The following TMEM62 variants were observed in gnomAD, a reference collection of about 807,000 sequenced individuals.
The protein encoded by TMEM62 is transmembrane protein 62.
TMEM62 carries 41 observed loss-of-function variants against 70.4 expected under a neutral mutation model. The ratio of observed to expected loss-of-function variants is 0.58; its 90% confidence interval spans 0.45 to 0.76. The LOEUF (loss-of-function observed/expected upper bound fraction) is 0.76. Among genes scored for constraint, TMEM62 ranks in the 30% least tolerant of loss-of-function variants. The probability of loss-of-function intolerance (pLI) is 0.00; values close to 1 mark genes in which losing one functional copy is unlikely to be tolerated. For missense variants in TMEM62, 688 were observed against 788.5 expected (o/e 0.87, Z 1.53); for synonymous variants, 268 against 291.0 (o/e 0.92, Z 0.80).
chr15:43,138,368 T>C (rs2035527321), intron 3 of TMEM62, among the ~76,000 whole-genome samples: 2 of 152,104 alleles, frequency 1.3e-5, no homozygotes, highest in South Asian at 2.1e-4. Flanking sequence ...CTGAAACCCA[T>C]GGCAATAATG....
intron 10 of TMEM62, chr15:43,169,133 T>C (rs532609269): frequency 6.4e-6 from 1 of 155,792 alleles, no homozygotes; most frequent in East Asian, 1.9e-4. Context: ...GCCTCTTTCC[T>C]TGATATGATG....
chr15:43,165,120 T>C (rs1192139349), intron 10 of TMEM62, among the ~76,000 whole-genome samples: 6 of 151,972 alleles, frequency 3.9e-5, no homozygotes, highest in Admixed American at 3.9e-4. Context: ...TTAAAAAAGT[T>C]CTCTATTATT....
intron 11 of TMEM62, among the ~76,000 whole-genome samples, chr15:43,170,982 C>G (rs933176258): frequency 6.6e-5 from 10 of 152,188 alleles, no homozygotes; most frequent in Admixed American, 1.3e-4. Flanking sequence ...AACTCTAAAG[C>G]TGCAGTTCAG....
intron 10 of TMEM62, among the ~76,000 whole-genome samples, chr15:43,163,667 A>G (rs535204214): frequency 6.6e-6 from 1 of 152,210 alleles, no homozygotes; most frequent in Admixed American, 6.5e-5. Flanking sequence ...CTGTAGTCCC[A>G]GCTACTTGGG....
chr15:43,169,561 T>A (rs763369537), intron 10 of TMEM62, 32 bp from the exon 11 acceptor site: 26 of 1,581,276 alleles, frequency 1.6e-5, no homozygotes, highest in Admixed American at 1.7e-5. Flanking sequence ...TACCCATGTA[T>A]CTATTTCACG....
At chr15:43,177,893 T>C (rs973337251) in intron 11 of TMEM62, among the ~76,000 whole-genome samples, 1 of 151,884 alleles carries the variant, frequency 6.6e-6, no homozygotes, top group Non-Finnish European at 1.5e-5. Context: ...ATATACCTAA[T>C]GCTAAATGAC....
rs576902825 is a variant in TMEM62 at position 43,139,165 on chromosome 15, A to G, written c.476+546A>G. Among the ~76,000 whole-genome samples the G allele has an allele frequency of 6.8e-4, 104 of 152,156 alleles. 1 individual carries two copies. The highest frequency in any genetic ancestry group is 2.3e-3 in the African/African-American group (97 of 41,504). On this transcript the variant is annotated intron_variant, in intron 4 of 13. Transcript: ENST00000260403. ...TCACAATATTTCAAACTTTTTCATT[A>G]TATCTTTTATGGTGATCTGTGATCA...
At chr15:43,159,896 AT>A (rs1444478898) in intron 9 of TMEM62, among the ~76,000 whole-genome samples, 5 of 152,188 alleles carry the variant, frequency 3.3e-5, no homozygotes, top group South Asian at 4.2e-4. Context: ...AAATAAAAAA[AT>A]TTTTTTTAAA....
intron 8 of TMEM62, among the ~76,000 whole-genome samples, chr15:43,153,744 A>G (rs1339070898): frequency 2.6e-5 from 4 of 151,078 alleles, no homozygotes; most frequent in African/African-American, 9.9e-5. Context: ...TTATGTGTTC[A>G]ATGGACACTT....
At chr15:43,176,572 C>G (rs1335448134) in intron 11 of TMEM62, among the ~76,000 whole-genome samples, 2 of 152,178 alleles carry the variant, frequency 1.3e-5, no homozygotes, top group Non-Finnish European at 2.9e-5. Flanking sequence ...CCCAGGCAAA[C>G]AGGGTCTGGA....
intron 10 of TMEM62, among the ~76,000 whole-genome samples, chr15:43,167,569 G>A (rs1459241972): frequency 3.3e-5 from 5 of 151,898 alleles, no homozygotes; most frequent in Non-Finnish European, 4.4e-5. Flanking sequence ...ATGGGATGGC[G>A]GCCGGGAAGA....
At chr15:43,157,920 G>C (rs2038238033) in intron 9 of TMEM62, among the ~76,000 whole-genome samples, 1 of 152,198 alleles carries the variant, frequency 6.6e-6, no homozygotes, top group Non-Finnish European at 1.5e-5. Flanking sequence ...TTCAATCAAG[G>C]CTCTTACATT....
At chr15:43,136,749 G>A (rs887504058) in intron 3 of TMEM62, among the ~76,000 whole-genome samples, 6 of 151,810 alleles carry the variant, frequency 4.0e-5, no homozygotes, top group Admixed American at 6.6e-5. Context: ...GAGCCACCAC[G>A]CCTGGCTTAT....
chr15:43,134,114 T>C (rs1250786781), intron 1 of TMEM62, 132 bp downstream of exon 1: 1 of 1,447,358 alleles, frequency 6.9e-7, no homozygotes, highest in South Asian at 1.4e-5. Context: ...CTCTGTCTAG[T>C]GCTGGCCCTG....
In TMEM62 at chr15:43,149,168, A is replaced by G. The variant is rs745386268; in HGVS notation, c.866+17A>G. 4 of 1,612,860 alleles carry G rather than the reference A, an allele frequency of 2.5e-6. No individual in the cohort carries two copies. In the African/African-American group the frequency reaches 5.3e-5, roughly 22 times the overall value. Reference sequence around the variant, plus strand: ...TAATAGGAGGTAAGGGAACCTCCCCATAGAAGAAAACTTATACACATAAGT... The same window carrying G: ...TAATAGGAGGTAAGGGAACCTCCCCGTAGAAGAAAACTTATACACATAAGT... On this transcript the variant is annotated intron_variant, in intron 7 of 13. Transcript: ENST00000260403.
intron 11 of TMEM62, among the ~76,000 whole-genome samples, chr15:43,176,154 C>G (rs1242035899): frequency 6.6e-6 from 1 of 152,272 alleles, no homozygotes; most frequent in Non-Finnish European, 1.5e-5. Flanking sequence ...ATTGCCCAGG[C>G]TTGCTTAGGT....
intron 4 of TMEM62, among the ~76,000 whole-genome samples, chr15:43,141,022 T>C (rs2035929821): frequency 6.6e-6 from 1 of 152,178 alleles, no homozygotes; most frequent in African/African-American, 2.4e-5. Flanking sequence ...CCCAGAATGC[T>C]ACTAGCACCA....
intron 4 of TMEM62, among the ~76,000 whole-genome samples, chr15:43,142,275 C>T (rs1478322675): frequency 6.6e-6 from 1 of 150,894 alleles, no homozygotes; most frequent in Non-Finnish European, 1.5e-5. Flanking sequence ...AAGCAATTCT[C>T]CTGCCTCAGC....
chr15:43,168,089 G>A (rs932491877), intron 10 of TMEM62, among the ~76,000 whole-genome samples: 3 of 150,806 alleles, frequency 2.0e-5, no homozygotes, highest in Admixed American at 6.6e-5. Context: ...GTCCAGCTTC[G>A]GCTCGGCATC....
Sources: gnomAD v4.1 joint callset for allele counts (sites outside exome capture counted in the v4.1 genomes callset) on GRCh38, gnomAD v4.1.1 for gene constraint, MANE v1.5 for transcripts, NCBI Gene and HGNC (gene_info 2026-07-23, HGNC 2026-07-21) for gene names.